The following SEMA3D variants were observed in gnomAD, a reference collection of about 807,000 sequenced individuals.
The protein encoded by SEMA3D is semaphorin 3D.
Under a neutral mutation model 100.1 loss-of-function variants are expected in SEMA3D, and 84 were observed. The ratio of observed to expected loss-of-function variants is 0.84; its 90% CI spans 0.70 to 1.01. The LOEUF is 1.01. Ranked by LOEUF, SEMA3D falls within the 50% of genes least tolerant of loss-of-function variation. The probability of loss-of-function intolerance (pLI) is 0.00; values close to 1 mark genes in which losing one functional copy is unlikely to be tolerated. For missense variants in SEMA3D, 875 were observed against 934.1 expected (o/e 0.94, Z 0.82); for synonymous variants, 312 against 320.7 (o/e 0.97, Z 0.29).
chr7:85,160,010 C>T (rs1303574785), intron 1 of SEMA3D: 1 of 973,430 alleles, frequency 1.0e-6, no homozygotes, highest in Non-Finnish European at 1.2e-6. Flanking sequence ...TCTCCATGAA[C>T]TATATCATTT....
At chr7:85,107,526 C>T (rs1429350520) in intron 3 of SEMA3D, among the ~76,000 whole-genome samples, 1 of 152,042 alleles carries the variant, frequency 6.6e-6, no homozygotes, top group African/African-American at 2.4e-5. Context: ...CTGCTGATGA[C>T]TTCAAAATAC....
At chr7:85,110,855 C>G (rs974694397) in intron 3 of SEMA3D, among the ~76,000 whole-genome samples, 10 of 152,028 alleles carry the variant, frequency 6.6e-5, no homozygotes, top group African/African-American at 2.4e-4. Context: ...TATCTATAGT[C>G]AATGTCTCCA....
intron 11 of SEMA3D, among the ~76,000 whole-genome samples, chr7:85,039,372 C>T (rs996178592): frequency 6.6e-6 from 1 of 152,102 alleles, no homozygotes; most frequent in African/African-American, 2.4e-5. Context: ...ATTCTCCTGC[C>T]TCGGCCTCCT....
chr7:85,219,313 T>C, the SEMA3D span, among the ~76,000 whole-genome samples: 1 of 152,036 alleles, frequency 6.6e-6, no homozygotes, highest in Non-Finnish European at 1.5e-5. Context: ...AATATCAGAA[T>C]TGGTTATGTT....
chr7:85,241,181 G>T, the SEMA3D span, among the ~76,000 whole-genome samples: 1 of 151,884 alleles, frequency 6.6e-6, no homozygotes, highest in African/African-American at 2.4e-5. Context: ...TGTTGACATG[G>T]ATGCAGTGAA....
intron 1 of SEMA3D, chr7:85,160,040 G>A: frequency 1.1e-6 from 1 of 943,982 alleles, no homozygotes; most frequent in South Asian, 4.9e-5. Context: ...AAACTGAACT[G>A]TTATTTTATT....
chr7:85,224,060 GA>G, the SEMA3D span, among the ~76,000 whole-genome samples: 6 of 151,916 alleles, frequency 3.9e-5, no homozygotes, highest in African/African-American at 1.4e-4. Context: ...ATTTTCAAAT[GA>G]AAAAAATTAT....
chr7:85,156,287 G>C (rs1790594400), intron 1 of SEMA3D, among the ~76,000 whole-genome samples: 1 of 151,452 alleles, frequency 6.6e-6, no homozygotes, highest in Non-Finnish European at 1.5e-5. Flanking sequence ...ATTTTCAGTA[G>C]AGATGGGGTT....
At chr7:85,247,179 A>G in the SEMA3D span, among the ~76,000 whole-genome samples, 1 of 152,072 alleles carries the variant, frequency 6.6e-6, no homozygotes, top group African/African-American at 2.4e-5. Flanking sequence ...GCAAGAAATA[A>G]CACAGAGAAT....
intron 3 of SEMA3D, among the ~76,000 whole-genome samples, chr7:85,109,519 GGCTTTA>G (rs1170761784): frequency 5.9e-5 from 9 of 151,908 alleles, no homozygotes; most frequent in African/African-American, 2.2e-4. Flanking sequence ...GGCTCACTGT[GGCTTTA>G]GTCAAATAAA....
upstream of SEMA3D, among the ~76,000 whole-genome samples, chr7:85,191,893 G>T (rs949912012): frequency 3.3e-5 from 5 of 152,062 alleles, no homozygotes; most frequent in African/African-American, 9.7e-5. Flanking sequence ...AAATATTGAG[G>T]TTTGTTTTGG....
intron 3 of SEMA3D, among the ~76,000 whole-genome samples, chr7:85,109,217 A>C (rs890955127): frequency 1.3e-5 from 2 of 151,976 alleles, no homozygotes; most frequent in Non-Finnish European, 2.9e-5. Context: ...TTTCCAGATG[A>C]GAAAACCTAG....
At chr7:85,171,189 C>T (rs531003061) in intron 1 of SEMA3D, among the ~76,000 whole-genome samples, 6 of 152,072 alleles carry the variant, frequency 3.9e-5, no homozygotes, top group Non-Finnish European at 7.4e-5. Flanking sequence ...AGAATGTAAA[C>T]CCTTAAGTGG....
At chr7:85,086,448 C>T (rs370887881) in intron 4 of SEMA3D, among the ~76,000 whole-genome samples, 3 of 151,562 alleles carry the variant, frequency 2.0e-5, no homozygotes, top group Non-Finnish European at 4.4e-5. Context: ...TTTAAAGATC[C>T]GCTCTTATTC....
At chr7:85,231,520 G>T in the SEMA3D span, among the ~76,000 whole-genome samples, 2 of 139,592 alleles carry the variant, frequency 1.4e-5, no homozygotes, top group Non-Finnish European at 3.0e-5. Flanking sequence ...GGGCGATCTC[G>T]GCTCACTGCA....
At chr7:85,072,457 A>G (rs547201980) in intron 6 of SEMA3D, among the ~76,000 whole-genome samples, 2 of 152,334 alleles carry the variant, frequency 1.3e-5, no homozygotes, top group East Asian at 3.9e-4. Context: ...CTTATGGAAA[A>G]TGAATTTTTA....
chr7:85,087,982 TTAA>T (rs1288022387), intron 4 of SEMA3D, among the ~76,000 whole-genome samples: 6 of 152,166 alleles, frequency 3.9e-5, no homozygotes, highest in African/African-American at 7.2e-5. Context: ...TTAAAAAGAT[TTAA>T]TAATACTTTT....
At chr7:85,025,853 G>A (rs1790378145) in intron 12 of SEMA3D, among the ~76,000 whole-genome samples, 1 of 152,044 alleles carries the variant, frequency 6.6e-6, no homozygotes, top group South Asian at 2.1e-4. Context: ...CAAACATACA[G>A]AGGTAATTTC....
At chr7:85,042,362 G>A (rs1214992818) in intron 9 of SEMA3D, 77 bp from the exon 10 acceptor site, 2 of 979,964 alleles carry the variant, frequency 2.0e-6, no homozygotes, top group Admixed American at 3.6e-5. Context: ...GGCTATTACA[G>A]GTAGTGTCTT....
Sources: allele counts gnomAD v4.1 joint callset (sites outside exome capture counted in the v4.1 genomes callset), GRCh38; gene constraint gnomAD v4.1.1; transcripts MANE v1.5; gene names NCBI Gene and HGNC (gene_info 2026-07-23, HGNC 2026-07-21).